Variants in SSH2 observed in about 807,000 individuals in gnomAD.
The protein encoded by SSH2 is protein phosphatase Slingshot homolog 2.
Under a neutral mutation model 135.2 loss-of-function variants are expected in SSH2, and 37 were observed. The observed-to-expected ratio is 0.27, with a 90% confidence interval of 0.21 to 0.36. SSH2 has a LOEUF of 0.36. Among genes scored for constraint, SSH2 ranks in the 10% least tolerant of loss-of-function variants. SSH2 has a pLI of 1.00. For synonymous variants in SSH2, 628 were observed against 646.2 expected (o/e 0.97, Z 0.43); for missense variants, 1,408 against 1,765.3 (o/e 0.80, Z 3.63).
intron 1 of SSH2, among the ~76,000 whole-genome samples, chr17:29,883,490 T>A (rs2151434770): frequency 6.6e-6 from 1 of 152,348 alleles, no homozygotes; most frequent in African/African-American, 2.4e-5. Context: ...CATACTATAA[T>A]ATCTAAATAT....
chr17:29,853,419 G>T (rs1284053744), intron 1 of SSH2, among the ~76,000 whole-genome samples: 1 of 151,668 alleles, frequency 6.6e-6, no homozygotes, highest in African/African-American at 2.4e-5. Context: ...AACTCTCAGT[G>T]GTAGGCCTTT....
chr17:29,892,175 G>A (rs1056529875), intron 1 of SSH2, among the ~76,000 whole-genome samples: 1 of 151,614 alleles, frequency 6.6e-6, no homozygotes, highest in African/African-American at 2.4e-5. Context: ...AAGTAGCTGG[G>A]GACTACAGAC....
intron 2 of SSH2, among the ~76,000 whole-genome samples, chr17:29,828,890 T>C (rs1044205301): frequency 3.9e-5 from 6 of 152,216 alleles, no homozygotes; most frequent in African/African-American, 1.4e-4. Flanking sequence ...CATTGGTGTT[T>C]GTGAAAAGCC....
intron 12 of SSH2, among the ~76,000 whole-genome samples, chr17:29,653,060 A>G (rs184708546): frequency 1.2e-4 from 19 of 152,302 alleles, no homozygotes; most frequent in Admixed American, 5.9e-4. Flanking sequence ...CAGCTTCCCA[A>G]TCCTTTTCAT....
intron 1 of SSH2, among the ~76,000 whole-genome samples, chr17:29,913,358 A>AAAAAAAAAAAT (rs1567650109): frequency 1.2e-5 from 1 of 80,268 alleles, no homozygotes; most frequent in Non-Finnish European, 2.4e-5. Flanking sequence ...ATATATATAT[A>AAAAAAAAAAAT]TATATATATA....
chr17:29,818,671 C>A (rs1377896216), intron 2 of SSH2, among the ~76,000 whole-genome samples: 1 of 152,148 alleles, frequency 6.6e-6, no homozygotes, highest in African/African-American at 2.4e-5. Context: ...AGGAAGCCCC[C>A]TCCTTTATGT....
intron 3 of SSH2, among the ~76,000 whole-genome samples, chr17:29,728,581 G>C (rs2040078293): frequency 6.6e-6 from 1 of 152,082 alleles, no homozygotes; most frequent in Admixed American, 6.5e-5. Flanking sequence ...AACATACCCA[G>C]AATAGCCAAA....
chr17:29,631,285 C>G lies in SSH2; in HGVS notation c.3909G>C (p.Arg1303Ser). Residue 1303 changes from arginine to serine, a missense_variant, in exon 16 of 16, where the codon AGG becomes AGC. Arg to Ser is a moderately radical substitution (Grantham distance 110, BLOSUM62 -1). Coordinates refer to ENST00000540801, the MANE Select transcript of SSH2 (RefSeq NM_001282129.2). ...LDLCKDCLPE[R>S]EPASCESPHL... ...GAGGGGATTCACAGGAGGCAGGCTC[C>G]CTCTCTGGTAAGCAGTCTTTACAGA... The G allele has an allele frequency of 6.2e-7, 1 of 1,614,148 alleles. No homozygotes were observed. The highest frequency in any genetic ancestry group is 2.2e-5 in the East Asian group (1 of 44,886).
At chr17:29,675,851 G>C (rs1327061677) in intron 8 of SSH2, 1 of 152,016 alleles carries the variant, frequency 6.6e-6, no homozygotes, top group Non-Finnish European at 1.5e-5. Flanking sequence ...GATCTATCCT[G>C]TCTAAATGTA....
At chr17:29,723,634 A>AT (rs1168941476) in intron 3 of SSH2, among the ~76,000 whole-genome samples, 7 of 126,962 alleles carry the variant, frequency 5.5e-5, no homozygotes, top group Non-Finnish European at 8.2e-5. Context: ...ATTGTGGGTA[A>AT]TTTTTTCTCT....
At chr17:29,689,752 C>T (rs2038384294) in intron 5 of SSH2, among the ~76,000 whole-genome samples, 1 of 152,038 alleles carries the variant, frequency 6.6e-6, no homozygotes, top group South Asian at 2.1e-4. Flanking sequence ...ATGCTATTCC[C>T]TCGGCATCCA....
At chr17:29,880,723 TTCCC>T (rs2066122110) in intron 1 of SSH2, among the ~76,000 whole-genome samples, 1 of 152,230 alleles carries the variant, frequency 6.6e-6, no homozygotes, top group Non-Finnish European at 1.5e-5. Context: ...AGAAAGTTAC[TTCCC>T]TTCCATCCCA....
At chr17:29,704,999 A>G (rs1237632372) in intron 3 of SSH2, among the ~76,000 whole-genome samples, 2 of 152,202 alleles carry the variant, frequency 1.3e-5, no homozygotes, top group Non-Finnish European at 2.9e-5. Context: ...TTAACTGGCA[A>G]TGTTAAATTG....
chr17:29,852,324 G>T (rs988043909), intron 1 of SSH2, among the ~76,000 whole-genome samples: 2 of 151,690 alleles, frequency 1.3e-5, no homozygotes, highest in African/African-American at 4.9e-5. Context: ...AACCACACTT[G>T]CATTCCTAAA....
chr17:29,679,211 G>T (rs2037861824), intron 6 of SSH2, among the ~76,000 whole-genome samples: 1 of 151,938 alleles, frequency 6.6e-6, no homozygotes, highest in South Asian at 2.1e-4. Context: ...GCTAGTCTCC[G>T]AAAGGCTTCC....
chr17:29,668,065 C>T (rs1598755823), intron 9 of SSH2, among the ~76,000 whole-genome samples: 1 of 152,210 alleles, frequency 6.6e-6, no homozygotes, highest in Non-Finnish European at 1.5e-5. Context: ...TTTGTTTCAT[C>T]TCCTCCCCAA....
chr17:29,927,071 A>C (rs2067081426), intron 1 of SSH2, among the ~76,000 whole-genome samples: 1 of 152,178 alleles, frequency 6.6e-6, no homozygotes, highest in Admixed American at 6.5e-5. Context: ...CAACTTCCCT[A>C]AGGCATACTG....
At chr17:29,757,168 T>C (rs1168923737) in intron 3 of SSH2, among the ~76,000 whole-genome samples, 2 of 152,230 alleles carry the variant, frequency 1.3e-5, no homozygotes, top group Non-Finnish European at 2.9e-5. Context: ...CCACTAGTTA[T>C]TGCTATGTAC....
At chr17:29,835,650 CA>C (rs2042930331) in intron 2 of SSH2, among the ~76,000 whole-genome samples, 1 of 152,216 alleles carries the variant, frequency 6.6e-6, no homozygotes, top group African/African-American at 2.4e-5. Context: ...CTTCCTCATG[CA>C]AATGCACCTA....
Sources: allele counts gnomAD v4.1 joint callset (sites outside exome capture counted in the v4.1 genomes callset), GRCh38; gene constraint gnomAD v4.1.1; transcripts MANE v1.5; gene names NCBI Gene and HGNC (gene_info 2026-07-23, HGNC 2026-07-21).